MORC1: variants seen among roughly 807,000 people sequenced by gnomAD.
MORC1 encodes the protein MORC family CW-type zinc finger protein 1.
In MORC1, 59 loss-of-function variants were observed where a neutral mutation model predicts 134.9. The observed-to-expected ratio is 0.44, with a 90% CI of 0.35 to 0.54. The LOEUF (loss-of-function observed/expected upper bound fraction) is 0.54, where lower values mean the gene tolerates loss of function less well. Ranked by LOEUF, MORC1 falls within the 20% of genes least tolerant of loss-of-function variation. MORC1 has a pLI of 0.00. For missense variants in MORC1, 947 were observed against 1,134.5 expected, an observed-to-expected ratio of 0.83 and a Z score of 2.37; for synonymous variants, 395 against 391.7, an observed-to-expected ratio of 1.01 and a Z score of -0.10.
At chr3:109,086,728 A>G (rs1950622516) in intron 8 of MORC1, among the ~76,000 whole-genome samples, 2 of 152,226 alleles carry the variant, frequency 1.3e-5, no homozygotes, top group South Asian at 4.1e-4. Context: ...GTACTGATGT[A>G]CAGGTGGACC....
intron 2 of MORC1, among the ~76,000 whole-genome samples, chr3:109,111,285 CTGTT>C (rs1052260816): frequency 3.3e-5 from 5 of 152,126 alleles, no homozygotes; most frequent in African/African-American, 1.2e-4. Flanking sequence ...GGCCCATCAA[CTGTT>C]TGTAAATAAA....
At chr3:109,000,063 T>C (rs1948357323) in intron 21 of MORC1, among the ~76,000 whole-genome samples, 1 of 152,200 alleles carries the variant, frequency 6.6e-6, no homozygotes, top group South Asian at 2.1e-4. Context: ...TGATATCAAC[T>C]ATCAAGTTAG....
chr3:109,017,537 A>G lies in MORC1; in HGVS notation c.1704+10214T>C, dbSNP rs150281483. The stretch of plus-strand genomic sequence containing the variant: ...GATAGAGATTTCCACTAATAGATAC[A>G]TTTCAACTAATAGATGAAGATTTTC... On this transcript the variant is annotated intron_variant, in intron 17 of 27. Transcript: ENST00000232603. 1.7e-3 allele frequency among the ~76,000 whole-genome samples: 256 copies of G among 152,340 alleles called. 2 individuals are homozygous for G. The highest frequency in any genetic ancestry group is 5.4e-3 in the African/African-American group (224 of 41,592).
chr3:109,000,866 A>G lies in MORC1; in HGVS notation c.2086-208T>C, dbSNP rs191576342. 1.6e-3 allele frequency among the ~76,000 whole-genome samples: 245 copies of G among 152,282 alleles called. 1 individual carries two copies. Among genetic ancestry groups the G allele is most frequent in the African/African-American group, 5.5e-3 (229 of 41,552 alleles). ...TTCCTAATGCCATGCTGCTTAGGTTAATATTAAAATTAATTATATTTCCTG... is the reference window on the plus strand; with the variant it reads ...TTCCTAATGCCATGCTGCTTAGGTTGATATTAAAATTAATTATATTTCCTG... On this transcript the variant is annotated intron_variant, in intron 20 of 27. Coordinates refer to ENST00000232603, the MANE Select transcript of MORC1 (RefSeq NM_014429.4).
At chr3:109,112,208 G>A (rs1011989840) in intron 2 of MORC1, among the ~76,000 whole-genome samples, 4 of 152,096 alleles carry the variant, frequency 2.6e-5, no homozygotes, top group African/African-American at 9.7e-5. Context: ...AATAATCTTT[G>A]TTCTTTAGCC....
At position 109,000,591 on chromosome 3, in the gene MORC1, T is replaced by A. The variant is rs768595568; in HGVS notation, c.2153A>T (p.Glu718Val). ...ATCTGAATCACTCGTGTTCTCATCT[T>A]CAGTCAATACCTTACATTCCTCTAC... ...NFVEECKVLT[E>V]DENTSDSDII... The change falls in exon 21 of 28, where the codon GAA (glutamate) becomes GTA (valine). Residue 718 changes from glutamate (E) to valine (V), a missense_variant. Coordinates refer to ENST00000232603, the MANE Select transcript of MORC1 (RefSeq NM_014429.4). The A allele has an allele frequency of 9.9e-6, 16 of 1,611,074 alleles. No individual in the cohort carries two copies. The highest frequency in any genetic ancestry group is 7.6e-6 in the Non-Finnish European group (9 of 1,178,846).
At chr3:108,971,529 A>G in intron 24 of MORC1, 127 bp from the exon 25 acceptor site, 1 of 753,812 alleles carries the variant, frequency 1.3e-6, no homozygotes, top group East Asian at 2.7e-5. Context: ...GTTCCCCCCA[A>G]ACATTTTGTT....
chr3:109,044,543 G>A (rs569412424), intron 14 of MORC1, among the ~76,000 whole-genome samples: 59 of 138,210 alleles, frequency 4.3e-4, no homozygotes, highest in Non-Finnish European at 7.9e-4. Context: ...GGGCAACAGA[G>A]CGAGACTCCA....
chr3:109,018,370 T>G (rs960630411), intron 17 of MORC1, among the ~76,000 whole-genome samples: 1 of 152,128 alleles, frequency 6.6e-6, no homozygotes, highest in African/African-American at 2.4e-5. Flanking sequence ...CAGAGACATT[T>G]ACCTCCCTGG....
At chr3:108,966,211 T>C (rs1300936866) in intron 26 of MORC1, among the ~76,000 whole-genome samples, 1 of 152,182 alleles carries the variant, frequency 6.6e-6, no homozygotes, top group Non-Finnish European at 1.5e-5. Flanking sequence ...CCAAAGTCTT[T>C]CCGAACTACA....
At chr3:109,048,301 T>C (rs972937920) in intron 14 of MORC1, among the ~76,000 whole-genome samples, 2 of 152,104 alleles carry the variant, frequency 1.3e-5, no homozygotes, top group Non-Finnish European at 2.9e-5. Context: ...GGTAATAACT[T>C]TTAGGTAATG....
At chr3:108,979,455 G>A in intron 24 of MORC1, 60 bp downstream of exon 24, 1 of 1,562,996 alleles carries the variant, frequency 6.4e-7, no homozygotes, top group Non-Finnish European at 8.8e-7. Context: ...AACAACAGGA[G>A]TTGTCACTGC....
In MORC1 at chr3:109,093,474, A is replaced by C; in HGVS notation, c.651T>G (p.Thr217=). 1 of 1,613,882 alleles carries C rather than the reference A, an allele frequency of 6.2e-7. No individual in the cohort carries two copies. Among genetic ancestry groups the C allele is most frequent in the Non-Finnish European group, 8.5e-7 (1 of 1,179,806 alleles). ...LNGEPELDVK[T]DKEDILMAGA... ...CAGCCATCAGTATATCTTCTTTGTC[A>C]GTTTTAACATCCAACTCTGGTTCTC... Residue 217 remains threonine (T), a synonymous_variant, in exon 8 of 28, where the codon ACT becomes ACG. Transcript: ENST00000232603.
chr3:109,008,602 CAT>C (rs1042158781), intron 17 of MORC1, among the ~76,000 whole-genome samples: 32 of 151,892 alleles, frequency 2.1e-4, no homozygotes, highest in Non-Finnish European at 3.5e-4. Context: ...ATGTCATATA[CAT>C]GTTTGACATT....
At chr3:109,009,862 T>C (rs944894437) in intron 17 of MORC1, among the ~76,000 whole-genome samples, 2 of 152,182 alleles carry the variant, frequency 1.3e-5, no homozygotes, top group African/African-American at 2.4e-5. Context: ...AAAGTGTGCC[T>C]GATTTATACC....
At chr3:108,991,471 T>C (rs1190158749) in intron 21 of MORC1, among the ~76,000 whole-genome samples, 1 of 152,170 alleles carries the variant, frequency 6.6e-6, no homozygotes, top group Non-Finnish European at 1.5e-5. Flanking sequence ...AATGGTGGTA[T>C]CATTTACTCA....
chr3:109,050,773 C>T (rs1949805329), intron 14 of MORC1, among the ~76,000 whole-genome samples: 1 of 152,006 alleles, frequency 6.6e-6, no homozygotes, highest in Admixed American at 6.6e-5. Flanking sequence ...TCATGGGCTG[C>T]CTCAAGAGGG....
intron 1 of MORC1, among the ~76,000 whole-genome samples, chr3:109,117,090 A>C (rs1951290078): frequency 6.6e-6 from 1 of 152,140 alleles, no homozygotes; most frequent in East Asian, 1.9e-4. Flanking sequence ...CACCTCAGCT[A>C]CCTTTTAACT....
intron 8 of MORC1, among the ~76,000 whole-genome samples, chr3:109,087,596 AC>A (rs1950638922): frequency 6.6e-6 from 1 of 152,112 alleles, no homozygotes; most frequent in South Asian, 2.1e-4. Context: ...AAATGGAAAA[AC>A]ATCACATGCT....
Sources: allele counts gnomAD v4.1 joint callset (sites outside exome capture counted in the v4.1 genomes callset), GRCh38; gene constraint gnomAD v4.1.1; transcripts MANE v1.5; gene names NCBI Gene and HGNC (gene_info 2026-07-23, HGNC 2026-07-21).